The following EXOC6B variants were observed in gnomAD, a reference collection of about 807,000 sequenced individuals.
The protein encoded by EXOC6B is SEC15 homolog B.
Under a neutral mutation model 113.5 loss-of-function variants are expected in EXOC6B, and 54 were observed. That is an observed-to-expected ratio of 0.48 (90% confidence interval 0.38 to 0.60). The LOEUF is 0.60. Ranked by LOEUF, EXOC6B falls within the 20% of genes least tolerant of loss-of-function variation. The pLI, the probability that EXOC6B is intolerant of heterozygous loss-of-function variation, is 0.00. For synonymous variants in EXOC6B, 357 were observed against 339.0 expected, an observed-to-expected ratio of 1.05 and a Z score of -0.58; for missense variants, 797 against 977.5, an observed-to-expected ratio of 0.82 and a Z score of 2.46.
chr2:72,761,243 T>A (rs1447814150), intron 1 of EXOC6B, among the ~76,000 whole-genome samples: 2 of 152,174 alleles, frequency 1.3e-5, no homozygotes, highest in Non-Finnish European at 2.9e-5. Context: ...TACATTTTCA[T>A]TACTCTTCCA....
intron 6 of EXOC6B, among the ~76,000 whole-genome samples, chr2:72,682,444 C>T (rs145886968): frequency 6.6e-6 from 1 of 152,104 alleles, no homozygotes. Context: ...TATTCTCTAC[C>T]TCCTTTTCTT....
At chr2:72,752,421 G>T (rs1197089686) in intron 1 of EXOC6B, among the ~76,000 whole-genome samples, 3 of 151,516 alleles carry the variant, frequency 2.0e-5, no homozygotes, top group Admixed American at 6.6e-5. Flanking sequence ...GATTTCTTTC[G>T]AAACATGCCC....
intron 20 of EXOC6B, among the ~76,000 whole-genome samples, chr2:72,237,087 G>T (rs1389041843): frequency 2.0e-5 from 3 of 152,330 alleles, no homozygotes. Context: ...AGAAGAATGT[G>T]GAAGTGCCAG....
At chr2:72,494,043 A>G (rs990132754) in intron 15 of EXOC6B, among the ~76,000 whole-genome samples, 15 of 152,156 alleles carry the variant, frequency 9.9e-5, no homozygotes. Context: ...GAAGAGTAAA[A>G]GGCATCTAGC....
intron 20 of EXOC6B, among the ~76,000 whole-genome samples, chr2:72,310,562 GATT>G (rs1414424166): frequency 6.6e-6 from 1 of 151,806 alleles, no homozygotes; most frequent in East Asian, 1.9e-4. Context: ...GATGTACAAA[GATT>G]ATTTCCCATT....
intron 18 of EXOC6B, among the ~76,000 whole-genome samples, chr2:72,444,732 A>C (rs1270040549): frequency 6.6e-6 from 1 of 152,182 alleles, no homozygotes; most frequent in Admixed American, 6.5e-5. Context: ...AGTTTTATTC[A>C]TGGCTGGAGT....
rs76240614 is a variant in EXOC6B, at chr2:72,283,387, G to A, written c.2196+51560C>T. Among the ~76,000 whole-genome samples, 83 of 152,268 alleles carry A rather than the reference G, an allele frequency of 5.5e-4. No individual in the cohort carries two copies. The East Asian group carries it at 0.016, about 29-fold the overall frequency. On this transcript the variant is annotated intron_variant, in intron 20 of 21. Transcript: ENST00000272427. ...AAGAAGTAAGAGCACAGGGTAAACT[G>A]CTGCCTCTCAAATTGGAAGGACAGA... is the stretch of plus-strand genomic sequence containing the variant.
chr2:72,229,965 T>C (rs1206461320), intron 20 of EXOC6B, among the ~76,000 whole-genome samples: 2 of 152,076 alleles, frequency 1.3e-5, no homozygotes, highest in Admixed American at 1.3e-4. Flanking sequence ...ATCACTTCAC[T>C]GTACAATGTT....
At chr2:72,508,572 GAC>G (rs1700733814) in intron 11 of EXOC6B, among the ~76,000 whole-genome samples, 1 of 152,118 alleles carries the variant, frequency 6.6e-6, no homozygotes, top group Non-Finnish European at 1.5e-5. Context: ...AGGAGTTCAA[GAC>G]CAGCCTGGCC....
intron 6 of EXOC6B, among the ~76,000 whole-genome samples, chr2:72,602,923 T>C (rs1242307062): frequency 1.3e-5 from 2 of 152,176 alleles, no homozygotes; most frequent in African/African-American, 2.4e-5. Context: ...ACACAAATTT[T>C]GTTGGAACAA....
intron 1 of EXOC6B, among the ~76,000 whole-genome samples, chr2:72,753,316 A>G (rs761013905): frequency 5.3e-5 from 8 of 152,076 alleles, no homozygotes; most frequent in Non-Finnish European, 8.8e-5. Flanking sequence ...CACCATCTCA[A>G]TTGAAGATAA....
Position 72,176,316 on chromosome 2 carries a change from A to C in EXOC6B, c.*3019T>G, listed in dbSNP as rs1209602651. The C allele has an allele frequency of 6.6e-6, 1 of 152,066 alleles. No homozygotes were observed. Among genetic ancestry groups the C allele is most frequent in the East Asian group, 1.9e-4 (1 of 5,188 alleles). 9.4% of individuals were successfully genotyped at this position (152,066 alleles called of 1,614,324 possible). A position where few individuals can be genotyped will look rare whatever the true frequency, so the allele number is the denominator to read the frequency against. ...AGAAGAAGAAGAGGCAATTGCAGTC[A>C]AGAGAGGAGTCCTGGGAGAAGGGAG... On this transcript the variant is annotated 3_prime_UTR_variant, in exon 22 of 22. Coordinates refer to ENST00000272427, the MANE Select transcript of EXOC6B (RefSeq NM_015189.3).
At chr2:72,698,341 C>T (rs1203720684) in intron 6 of EXOC6B, among the ~76,000 whole-genome samples, 1 of 152,040 alleles carries the variant, frequency 6.6e-6, no homozygotes, top group Non-Finnish European at 1.5e-5. Flanking sequence ...GCCTAATAGC[C>T]CTCAGTTTCT....
chr2:72,635,602 G>A (rs1335014522), intron 6 of EXOC6B, among the ~76,000 whole-genome samples: 1 of 152,098 alleles, frequency 6.6e-6, no homozygotes, highest in African/African-American at 2.4e-5. Flanking sequence ...GGTGCATATG[G>A]TTTCAATAGA....
chr2:72,532,605 C>T (rs1398039099), intron 8 of EXOC6B, among the ~76,000 whole-genome samples: 1 of 151,946 alleles, frequency 6.6e-6, no homozygotes. Flanking sequence ...GTCAGGAGTT[C>T]GAGACCAGCC....
At chr2:72,182,753 AG>A in intron 21 of EXOC6B, 1 of 504,218 alleles carries the variant, frequency 2.0e-6, no homozygotes. Context: ...AGTTGGCACC[AG>A]GCTGGTTTAG....
chr2:72,800,496 A>T (rs1004909048), intron 1 of EXOC6B, among the ~76,000 whole-genome samples: 2 of 152,334 alleles, frequency 1.3e-5, no homozygotes, highest in East Asian at 3.9e-4. Context: ...GTTTCTTTTT[A>T]TACTATTTTG....
chr2:72,388,014 A>G (rs1439619011), intron 18 of EXOC6B, among the ~76,000 whole-genome samples: 1 of 152,120 alleles, frequency 6.6e-6, no homozygotes, highest in Non-Finnish European at 1.5e-5. Context: ...TTTCCCAGGG[A>G]CATTTGGCAA....
chr2:72,533,962 G>A (rs541833458), intron 8 of EXOC6B, among the ~76,000 whole-genome samples: 1 of 152,214 alleles, frequency 6.6e-6, no homozygotes, highest in African/African-American at 2.4e-5. Flanking sequence ...CACTATCTCT[G>A]TGATCCACTG....
Sources: gnomAD v4.1 joint callset for allele counts (sites outside exome capture counted in the v4.1 genomes callset) on GRCh38, gnomAD v4.1.1 for gene constraint, MANE v1.5 for transcripts, NCBI Gene and HGNC (gene_info 2026-07-23, HGNC 2026-07-21) for gene names.